The following KAZN variants were observed in gnomAD, a reference collection of about 807,000 sequenced individuals.
The protein encoded by KAZN is kazrin, periplakin interacting protein, also known as kazrin.
In KAZN, 40 loss-of-function variants were observed where a neutral mutation model predicts 87.4. That is an observed-to-expected ratio of 0.46 (90% CI 0.36 to 0.60). The LOEUF is 0.60. Ranked by LOEUF, KAZN falls within the 20% of genes least tolerant of loss-of-function variation. The pLI is 0.00. For missense variants in KAZN, 898 were observed against 1,073.9 expected, an observed-to-expected ratio of 0.84 and a Z score of 2.29; for synonymous variants, 466 against 458.3, an observed-to-expected ratio of 1.02 and a Z score of -0.22.
At chr1:14,770,926 A>G (rs1645002586) in intron 1 of KAZN, among the ~76,000 whole-genome samples, 1 of 152,254 alleles carries the variant, frequency 6.6e-6, no homozygotes, top group East Asian at 1.9e-4. Flanking sequence ...AAGGAGGGTA[A>G]GGGGAACAGG....
chr1:14,242,580 G>T (rs1288162829), intron 2 of KAZN, among the ~76,000 whole-genome samples: 1 of 152,200 alleles, frequency 6.6e-6, no homozygotes, highest in African/African-American at 2.4e-5. Context: ...TGGGTGGGGG[G>T]ATAAGGGAAA....
intron 2 of KAZN, among the ~76,000 whole-genome samples, chr1:14,414,435 T>C (rs1183997092): frequency 6.6e-6 from 1 of 151,710 alleles, no homozygotes; most frequent in Non-Finnish European, 1.5e-5. Flanking sequence ...TAACTTGTAG[T>C]GTACTCACAT....
At chr1:14,492,712 A>AC in intron 2 of KAZN, among the ~76,000 whole-genome samples, 1 of 2,190 alleles carries the variant, frequency 4.6e-4, no homozygotes, top group Non-Finnish European at 9.8e-4. Context: ...CAGCGCACAT[A>AC]CACACACCAC....
At chr1:13,934,830 G>A (rs1266553660) in intron 1 of KAZN, among the ~76,000 whole-genome samples, 1 of 152,174 alleles carries the variant, frequency 6.6e-6, no homozygotes, top group African/African-American at 2.4e-5. Context: ...AGAGCTCTTT[G>A]AAGGTGGAAA....
chr1:14,791,558 T>TGGACATGCCTCTGGCCTCC (rs1300047655), intron 1 of KAZN, among the ~76,000 whole-genome samples: 7 of 152,212 alleles, frequency 4.6e-5, no homozygotes, highest in African/African-American at 1.7e-4. Context: ...CTCTGGTCCC[T>TGGACATGCCTCTGGCCTCC]GGACATGCCT....
intron 1 of KAZN, among the ~76,000 whole-genome samples, chr1:14,952,349 G>A (rs1375369929): frequency 6.6e-6 from 1 of 151,890 alleles, no homozygotes; most frequent in Non-Finnish European, 1.5e-5. Context: ...AAGATGGATG[G>A]GGTTTAGACC....
intron 2 of KAZN, among the ~76,000 whole-genome samples, chr1:14,377,609 T>C (rs1571445570): frequency 6.6e-6 from 1 of 152,200 alleles, no homozygotes; most frequent in Non-Finnish European, 1.5e-5. Context: ...TGTCTACTGG[T>C]GAGTCATTGG....
intron 1 of KAZN, among the ~76,000 whole-genome samples, chr1:14,140,211 A>T (rs905810467): frequency 3.3e-5 from 5 of 152,070 alleles, no homozygotes; most frequent in African/African-American, 1.2e-4. Flanking sequence ...ATCAGTTAGA[A>T]AGTGTGATTT....
intron 2 of KAZN, among the ~76,000 whole-genome samples, chr1:14,295,666 A>G (rs1272318255): frequency 6.6e-6 from 1 of 152,156 alleles, no homozygotes; most frequent in Non-Finnish European, 1.5e-5. Flanking sequence ...GGAAAGACAC[A>G]CAAACCCATG....
At chr1:14,761,993 A>C (rs746350032) in intron 1 of KAZN, among the ~76,000 whole-genome samples, 1 of 151,768 alleles carries the variant, frequency 6.6e-6, no homozygotes, top group Non-Finnish European at 1.5e-5. Context: ...GTGATCCTGC[A>C]GCAAGGCAAA....
intron 1 of KAZN, among the ~76,000 whole-genome samples, chr1:14,709,653 A>G (rs1642386644): frequency 6.6e-6 from 1 of 151,824 alleles, no homozygotes; most frequent in African/African-American, 2.4e-5. Flanking sequence ...CTTCACACCA[A>G]CTCTCCTGTG....
intron 11 of KAZN, among the ~76,000 whole-genome samples, chr1:15,102,016 C>T (rs564490597): frequency 6.6e-6 from 1 of 152,118 alleles, no homozygotes; most frequent in Admixed American, 6.5e-5. Context: ...CAACAACCCC[C>T]TATTGGGCAC....
At chr1:14,653,447 G>A (rs564713091) in intron 1 of KAZN, among the ~76,000 whole-genome samples, 55 of 152,314 alleles carry the variant, frequency 3.6e-4, no homozygotes, top group Middle Eastern at 3.4e-3. Context: ...TGGCCACCCA[G>A]CCCCAGTCAG....
intron 2 of KAZN, among the ~76,000 whole-genome samples, chr1:14,341,626 G>A (rs983939203): frequency 2.6e-5 from 4 of 152,060 alleles, no homozygotes; most frequent in Admixed American, 1.3e-4. Context: ...TCATCCACAT[G>A]GCTGACCCCT....
chr1:14,518,389 C>A (rs896884159), intron 2 of KAZN, among the ~76,000 whole-genome samples: 2 of 151,982 alleles, frequency 1.3e-5, no homozygotes, highest in Non-Finnish European at 1.5e-5. Context: ...GTTGGCCAGG[C>A]TGGTCTCCAA....
chr1:14,139,927 ATGTGTGTGTGTGTG>A (rs541192220), intron 1 of KAZN, among the ~76,000 whole-genome samples: 27 of 136,700 alleles, frequency 2.0e-4, no homozygotes, highest in African/African-American at 4.9e-4. Flanking sequence ...TTTGAGGTAA[ATGTGTGTGTGTGTG>A]TGTGTGTGTG....
intron 2 of KAZN, among the ~76,000 whole-genome samples, chr1:14,298,201 G>A (rs1297475351): frequency 6.6e-6 from 1 of 152,180 alleles, no homozygotes; most frequent in African/African-American, 2.4e-5. Flanking sequence ...CTCCAGACTA[G>A]GTAGCAGATT....
intron 1 of KAZN, among the ~76,000 whole-genome samples, chr1:14,017,577 C>A (rs1328814064): frequency 6.6e-6 from 1 of 152,182 alleles, no homozygotes; most frequent in African/African-American, 2.4e-5. Context: ...CAGAGTTAAA[C>A]CCAGCCTGTC....
intron 2 of KAZN, among the ~76,000 whole-genome samples, chr1:14,461,522 T>C (rs899933671): frequency 1.3e-5 from 2 of 152,218 alleles, no homozygotes; most frequent in African/African-American, 4.8e-5. Context: ...CAAACCTTTT[T>C]TTCTTTATAA....
Sources: allele counts gnomAD v4.1 joint callset (sites outside exome capture counted in the v4.1 genomes callset), GRCh38; gene constraint gnomAD v4.1.1; transcripts MANE v1.5; gene names NCBI Gene and HGNC (gene_info 2026-07-23, HGNC 2026-07-21).